The following TRPM1 variants were observed in gnomAD, a reference collection of about 807,000 sequenced individuals.
The protein encoded by TRPM1 is transient receptor potential cation channel subfamily M member 1.
TRPM1 carries 113 observed loss-of-function variants against 149.4 expected under a neutral mutation model. That is an observed-to-expected ratio of 0.76 (90% CI 0.65 to 0.88). The LOEUF is 0.88. TRPM1 is among the 40% of genes least tolerant of loss of function. The pLI is 0.00. For synonymous variants in TRPM1, 741 were observed against 759.5 expected, an observed-to-expected ratio of 0.98 and a Z score of 0.40; for missense variants, 1,976 against 2,038.7, an observed-to-expected ratio of 0.97 and a Z score of 0.59.
In TRPM1 at chr15:31,060,585, T is replaced by C. The variant is rs188790896; in HGVS notation, c.1222A>G (p.Ile408Val). 5 of 1,614,132 alleles carry C rather than the reference T, an allele frequency of 3.1e-6. No individual in the cohort carries two copies. Among genetic ancestry groups the C allele is most frequent in the Non-Finnish European group, 3.4e-6 (4 of 1,180,048 alleles). The stretch of plus-strand genomic sequence containing the variant: ...AAGACAAAGATCTGGCTTCGTGCTA[T>C]GTCCACGCGGTTCCAAGCCAGTGCC... ...SLALAWNRVD[I>V]ARSQIFVFGP... is the part of the protein sequence containing the mutation. Residue 408 changes from isoleucine to valine, a missense_variant, in exon 11 of 28, where the codon ATA (isoleucine) becomes GTA (valine). Ile to Val is a conservative substitution (Grantham distance 29). Coordinates refer to ENST00000256552, the MANE Select transcript of TRPM1 (RefSeq NM_001252024.2).
At chr15:31,089,060 A>C (rs1193427725) in intron 1 of TRPM1, among the ~76,000 whole-genome samples, 1 of 152,242 alleles carries the variant, frequency 6.6e-6, no homozygotes, top group African/African-American at 2.4e-5. Context: ...TAATTAGGAT[A>C]AGTAACATTT....
chr15:31,100,227 CTACCAT>C, intron 1 of TRPM1, among the ~76,000 whole-genome samples: 1 of 151,906 alleles, frequency 6.6e-6, no homozygotes, highest in African/African-American at 2.4e-5. Flanking sequence ...CAGGCGCGCA[CTACCAT>C]GCCCAGCTAA....
chr15:31,088,443 TG>T (rs2035069661), intron 1 of TRPM1, among the ~76,000 whole-genome samples: 1 of 152,196 alleles, frequency 6.6e-6, no homozygotes, highest in Non-Finnish European at 1.5e-5. Context: ...GCTGTAACAC[TG>T]ACTGTACGGT....
intron 21 of TRPM1, among the ~76,000 whole-genome samples, chr15:31,033,812 CG>C (rs1211903591): frequency 6.6e-6 from 1 of 152,110 alleles, no homozygotes; most frequent in Non-Finnish European, 1.5e-5. Context: ...GACGGCACAG[CG>C]ATGGTAAAGC....
intron 16 of TRPM1, among the ~76,000 whole-genome samples, chr15:31,044,806 G>T (rs1465624148): frequency 6.7e-6 from 1 of 148,530 alleles, no homozygotes; most frequent in African/African-American, 2.5e-5. Context: ...AAAAAAATTG[G>T]CACAAGAAAT....
chr15:31,153,784 G>A (rs1407212549), intron 1 of TRPM1, among the ~76,000 whole-genome samples: 1 of 152,218 alleles, frequency 6.6e-6, no homozygotes, highest in African/African-American at 2.4e-5. Context: ...AGGAGCTCCT[G>A]AGCCTGTGTC....
intron 1 of TRPM1, among the ~76,000 whole-genome samples, chr15:31,091,054 A>G (rs1268443139): frequency 1.3e-5 from 2 of 152,256 alleles, no homozygotes; most frequent in Non-Finnish European, 2.9e-5. Flanking sequence ...CTGATAAAAA[A>G]AAGTGCAACG....
At chr15:31,006,154 G>A (rs1198812185) in intron 27 of TRPM1, among the ~76,000 whole-genome samples, 2 of 152,002 alleles carry the variant, frequency 1.3e-5, no homozygotes, top group Non-Finnish European at 2.9e-5. Context: ...TAAGGTTGAT[G>A]CTCTCTTAAA....
At chr15:31,094,296 A>T (rs2035318891) in intron 1 of TRPM1, among the ~76,000 whole-genome samples, 1 of 152,228 alleles carries the variant, frequency 6.6e-6, no homozygotes, top group South Asian at 2.1e-4. Flanking sequence ...TATCTTCATG[A>T]TCGATGGATT....
In TRPM1 at chr15:31,001,896, C is replaced by G. The variant is rs754358686; in HGVS notation, c.4804G>C (p.Val1602Leu). Residue 1602 changes from valine to leucine, a missense_variant, in exon 28 of 28, where the codon GTA becomes CTA. Around this residue, in one of 3 missense-constraint regions of TRPM1, gnomAD observed 572 missense variants for 578.9 expected, o/e 0.99. Coordinates refer to ENST00000256552, the MANE Select transcript of TRPM1 (RefSeq NM_001252024.2). ...SGHASSVSSL[V>L]IVSGMTAEEK... ...TCTGCTGTCATTCCAGACACAATTA[C>G]TAAGCTGCTTACACTACTGGCATGT... is the stretch of plus-strand genomic sequence containing the variant. 6.8e-6 allele frequency: 11 copies of G among 1,613,952 alleles called. No individual in the cohort carries two copies. The African/African-American group carries it at 1.3e-4, about 20-fold the overall frequency.
intron 20 of TRPM1, among the ~76,000 whole-genome samples, chr15:31,037,386 T>C (rs1383394966): frequency 6.6e-6 from 1 of 152,258 alleles, no homozygotes; most frequent in African/African-American, 2.4e-5. Flanking sequence ...TAGTCATCTC[T>C]GTTCATTTAA....
At chr15:31,088,500 A>G (rs770345566) in intron 1 of TRPM1, among the ~76,000 whole-genome samples, 43 of 152,216 alleles carry the variant, frequency 2.8e-4, no homozygotes, top group Non-Finnish European at 4.3e-4. Flanking sequence ...ACACACCTGG[A>G]AAGACGAGCA....
rs2034254486 is a variant in TRPM1, at chr15:31,062,294, C to T, written c.1089+285G>A. 2.6e-5 allele frequency among the ~76,000 whole-genome samples: 4 copies of T among 152,128 alleles called. No homozygotes were observed. The South Asian group carries it at 8.3e-4, about 32-fold the overall frequency. On this transcript the variant is annotated intron_variant, in intron 9 of 27. Coordinates refer to ENST00000256552, the MANE Select transcript of TRPM1 (RefSeq NM_001252024.2). ...TGACAGGGTGGTATGTGGCCCTTTTCCCCAAGACTATCAATCTGAGTAATA... is the reference window on the plus strand; with the variant it reads ...TGACAGGGTGGTATGTGGCCCTTTTTCCCAAGACTATCAATCTGAGTAATA...
intron 27 of TRPM1, among the ~76,000 whole-genome samples, chr15:31,007,164 C>A (rs1284001770): frequency 6.6e-6 from 1 of 152,026 alleles, no homozygotes; most frequent in Non-Finnish European, 1.5e-5. Context: ...ATCTATGATC[C>A]ATTTTTAGTT....
At chr15:31,048,848 C>A (rs2033856754) in intron 13 of TRPM1, among the ~76,000 whole-genome samples, 2 of 152,144 alleles carry the variant, frequency 1.3e-5, no homozygotes, top group African/African-American at 2.4e-5. Context: ...TTTTAGCAAG[C>A]AGCTGCTGAG....
Position 31,066,227 on chromosome 15 carries a change from G to A in TRPM1, c.639C>T (p.Thr213=). The change falls in exon 7 of 28, where the codon ACC becomes ACT. Residue 213 remains threonine (T), a synonymous_variant. Coordinates refer to ENST00000256552, the MANE Select transcript of TRPM1 (RefSeq NM_001252024.2). ...VGKDVTRVYQ[T]MSNPLSKLSV... Reference sequence around the variant, plus strand: ...AGAGCTTACTTAGAGGGTTGGACATGGTCTGGTACACTCTTGTTACCTGAC... The same window carrying A: ...AGAGCTTACTTAGAGGGTTGGACATAGTCTGGTACACTCTTGTTACCTGAC... The A allele has an allele frequency of 6.2e-7, 1 of 1,614,126 alleles. No individual in the cohort carries two copies. Among genetic ancestry groups the A allele is most frequent in the Non-Finnish European group, 8.5e-7 (1 of 1,180,020 alleles).
intron 19 of TRPM1, 22 bp from the exon 20 acceptor site, chr15:31,037,864 A>G (rs1011570506): frequency 2.5e-6 from 4 of 1,614,092 alleles, no homozygotes; most frequent in Admixed American, 1.7e-5. Context: ...AGCACAGCAC[A>G]TGACAGGCAG....
intron 1 of TRPM1, among the ~76,000 whole-genome samples, chr15:31,145,919 CA>C (rs199510375): frequency 4.6e-5 from 6 of 130,300 alleles, no homozygotes; most frequent in Admixed American, 7.5e-5. Context: ...ATAGCAGATA[CA>C]AAAAAAAAAC....
chr15:31,043,620 C>T (rs753277008), intron 16 of TRPM1, among the ~76,000 whole-genome samples: 8 of 150,890 alleles, frequency 5.3e-5, no homozygotes, highest in African/African-American at 1.7e-4. Flanking sequence ...AAGCTACAGT[C>T]GCAGTGATAT....
Sources: allele counts gnomAD v4.1 joint callset (sites outside exome capture counted in the v4.1 genomes callset), GRCh38; gene constraint gnomAD v4.1.1; regional missense constraint gnomAD v4.1.1; transcripts MANE v1.5; gene names NCBI Gene and HGNC (gene_info 2026-07-23, HGNC 2026-07-21).